ELF2: variants seen among roughly 807,000 people sequenced by gnomAD.
The protein encoded by ELF2 is ETS-related transcription factor Elf-2.
In ELF2, 11 loss-of-function variants were observed where a neutral mutation model predicts 54.8. That is an observed-to-expected ratio of 0.20 (90% confidence interval 0.13 to 0.33). ELF2 has a LOEUF of 0.33. Ranked by LOEUF, ELF2 falls within the 10% of genes least tolerant of loss-of-function variation. The pLI is 1.00. For missense variants in ELF2, 513 were observed against 703.0 expected, an observed-to-expected ratio of 0.73 and a Z score of 3.06; for synonymous variants, 203 against 245.1, an observed-to-expected ratio of 0.83 and a Z score of 1.61.
chr4:139,130,978 A>G (rs1296458584), intron 3 of ELF2, among the ~76,000 whole-genome samples: 3 of 152,090 alleles, frequency 2.0e-5, no homozygotes, highest in Non-Finnish European at 4.4e-5. Flanking sequence ...TTTTTATGGG[A>G]GAAAGGGGAT....
chr4:139,132,424 C>T (rs561582556), intron 3 of ELF2, among the ~76,000 whole-genome samples: 1 of 152,162 alleles, frequency 6.6e-6, no homozygotes, highest in African/African-American at 2.4e-5. Flanking sequence ...CTAACTTTAC[C>T]CGTCAATCCC....
intron 4 of ELF2, 163 bp from the exon 5 acceptor site, chr4:139,073,730 A>G (rs1428611472): frequency 2.7e-6 from 1 of 368,962 alleles, no homozygotes; most frequent in Non-Finnish European, 4.8e-6. Context: ...TCGTCTATAT[A>G]AATTACAGAA....
chr4:139,155,616 T>C (rs1740446141), intron 1 of ELF2, among the ~76,000 whole-genome samples: 1 of 152,176 alleles, frequency 6.6e-6, no homozygotes, highest in South Asian at 2.1e-4. Context: ...ATGAAAAAGA[T>C]AAAAGCAATA....
chr4:139,097,676 A>G (rs988021804), intron 4 of ELF2, among the ~76,000 whole-genome samples: 2 of 151,426 alleles, frequency 1.3e-5, no homozygotes, highest in Non-Finnish European at 2.9e-5. Context: ...TTATTTAGCT[A>G]TAAGTATTTT....
intron 1 of ELF2, among the ~76,000 whole-genome samples, chr4:139,161,399 C>A (rs10033117): frequency 0.23 from 34,646 of 151,920 alleles, 4,148 homozygotes; most frequent in Non-Finnish European, 0.25. Flanking sequence ...AACTATAAAA[C>A]CAGCCTAAAA....
At chr4:139,167,288 C>A (rs907114302) in intron 1 of ELF2, among the ~76,000 whole-genome samples, 1 of 152,138 alleles carries the variant, frequency 6.6e-6, no homozygotes, top group East Asian at 1.9e-4. Flanking sequence ...TGTTCCCATT[C>A]CTACAGTGAG....
intron 3 of ELF2, 104 bp from the exon 4 acceptor site, chr4:139,125,433 GT>G: frequency 1.5e-6 from 2 of 1,302,212 alleles, no homozygotes; most frequent in Non-Finnish European, 2.1e-6. Flanking sequence ...CACATAATGA[GT>G]TTCAAATATT....
intron 4 of ELF2, among the ~76,000 whole-genome samples, chr4:139,079,535 T>C (rs375787140): frequency 6.6e-6 from 1 of 152,238 alleles, no homozygotes; most frequent in Non-Finnish European, 1.5e-5. Flanking sequence ...ATTCATCAAC[T>C]GTAATTAATA....
intron 4 of ELF2, among the ~76,000 whole-genome samples, chr4:139,104,508 C>CAAAAAAAAAAAA (rs34642901): frequency 2.6e-5 from 2 of 76,862 alleles, no homozygotes; most frequent in East Asian, 3.2e-4. Flanking sequence ...GACTCTGTCT[C>CAAAAAAAAAAAA]AAAAAAAAAA....
intron 4 of ELF2, chr4:139,084,173 A>G (rs781732716): frequency 2.5e-6 from 4 of 1,613,546 alleles, no homozygotes; most frequent in South Asian, 2.2e-5. Flanking sequence ...TGGGTCCCTC[A>G]TGCAGAGACG....
At chr4:139,172,055 A>T (rs1233496052) in intron 1 of ELF2, among the ~76,000 whole-genome samples, 1 of 152,218 alleles carries the variant, frequency 6.6e-6, no homozygotes, top group Non-Finnish European at 1.5e-5. Flanking sequence ...CCACTTTGGG[A>T]AAACAGTTTG....
At chr4:139,076,887 C>G (rs899807486) in intron 4 of ELF2, among the ~76,000 whole-genome samples, 1 of 152,086 alleles carries the variant, frequency 6.6e-6, no homozygotes, top group African/African-American at 2.4e-5. Flanking sequence ...CATATTATAT[C>G]TCAGAAATAT....
At chr4:139,089,347 T>G (rs1233069776) in intron 4 of ELF2, among the ~76,000 whole-genome samples, 1 of 152,198 alleles carries the variant, frequency 6.6e-6, no homozygotes, top group Non-Finnish European at 1.5e-5. Flanking sequence ...TAATGTAACA[T>G]AGTCATATCC....
chr4:139,166,732 G>A (rs1207832666), intron 1 of ELF2, among the ~76,000 whole-genome samples: 3 of 152,132 alleles, frequency 2.0e-5, no homozygotes, highest in African/African-American at 7.2e-5. Flanking sequence ...GCTGGGCGTG[G>A]TGGTGGGCAC....
intron 4 of ELF2, among the ~76,000 whole-genome samples, chr4:139,121,705 C>T (rs1487873838): frequency 6.6e-6 from 1 of 152,120 alleles, no homozygotes; most frequent in African/African-American, 2.4e-5. Flanking sequence ...GACCACCCTT[C>T]ACCTATATTT....
Position 139,072,322 on chromosome 4 carries a change from T to C in ELF2, c.353-283A>G, listed in dbSNP as rs1729629072. 6 of 252,886 alleles carry C rather than the reference T, an allele frequency of 2.4e-5. No individual in the cohort carries two copies. The South Asian group carries it at 4.6e-4, about 19-fold the overall frequency. The allele number at this position is 252,886 out of a possible 1,614,324, so 15.7% of individuals were successfully genotyped here. A position where few individuals can be genotyped will look rare whatever the true frequency, so the allele number is the denominator to read the frequency against. ...TTTCACACTTATACTTTCAAACTAA[T>C]TGTAGAAAAATTCTAAATTATTCTA... On this transcript the variant is annotated intron_variant, in intron 5 of 9. Coordinates refer to ENST00000686138, the MANE Select transcript of ELF2 (RefSeq NM_001331036.3).
chr4:139,078,150 C>CA (rs1385413740), intron 4 of ELF2, among the ~76,000 whole-genome samples: 1 of 152,126 alleles, frequency 6.6e-6, no homozygotes, highest in Non-Finnish European at 1.5e-5. Flanking sequence ...AAATACCAAA[C>CA]TTGGTAATTA....
intron 1 of ELF2, among the ~76,000 whole-genome samples, chr4:139,139,897 T>C (rs1738539923): frequency 6.6e-6 from 1 of 152,064 alleles, no homozygotes; most frequent in South Asian, 2.1e-4. Context: ...AAAATAGGAC[T>C]AGCCCAAAAA....
chr4:139,135,619 T>C (rs1012519456), intron 3 of ELF2, among the ~76,000 whole-genome samples: 3 of 152,168 alleles, frequency 2.0e-5, no homozygotes, highest in Non-Finnish European at 2.9e-5. Context: ...ACTTCATAGA[T>C]AGTTAAGTGG....
Sources: allele counts gnomAD v4.1 joint callset (sites outside exome capture counted in the v4.1 genomes callset), GRCh38; gene constraint gnomAD v4.1.1; transcripts MANE v1.5; gene names NCBI Gene and HGNC (gene_info 2026-07-23, HGNC 2026-07-21).